ZBTB20: variants seen among roughly 807,000 people sequenced by gnomAD.
ZBTB20 encodes zinc finger and BTB domain containing 20.
ZBTB20 carries 9 observed loss-of-function variants against 56.9 expected under a neutral mutation model. The observed-to-expected ratio is 0.16, with a 90% CI of 0.10 to 0.28. ZBTB20 has a LOEUF of 0.28. ZBTB20 is among the 10% of genes least tolerant of loss of function. The pLI is 1.00. For missense variants in ZBTB20, 655 were observed against 1,003.0 expected, an observed-to-expected ratio of 0.65 and a Z score of 4.69; for synonymous variants, 417 against 420.7, an observed-to-expected ratio of 0.99 and a Z score of 0.11.
chr3:114,774,025 C>T (rs981920940), intron 5 of ZBTB20, among the ~76,000 whole-genome samples: 2 of 152,114 alleles, frequency 1.3e-5, no homozygotes, highest in African/African-American at 4.8e-5. Flanking sequence ...CAATGATTTT[C>T]GGCATTGAAG....
rs554985867 is a variant in ZBTB20 at position 114,636,340 on chromosome 3, T to A, written c.-295+57188A>T. Among the ~76,000 whole-genome samples the A allele has an allele frequency of 1.4e-4, 21 of 152,184 alleles. No individual in the cohort carries two copies. The East Asian group carries it at 4.1e-3, about 29-fold the overall frequency. ...GATGTTGATTAGCAGCATGAAAAGA[T>A]GAAAGTATAAAACTTGCCAATAAAG... On this transcript the variant is annotated intron_variant, in intron 6 of 11. Transcript: ENST00000675478.
rs181031369 is a variant in ZBTB20 at position 114,646,287 on chromosome 3, T to C, written c.-295+47241A>G. ...ATGGAAGAAGTTTGAAAAACTTTTATGTAGAGATGAAGAAAAGTAGAAGCC... is the reference window on the plus strand; with the variant it reads ...ATGGAAGAAGTTTGAAAAACTTTTACGTAGAGATGAAGAAAAGTAGAAGCC... On this transcript the variant is annotated intron_variant, in intron 6 of 11. Coordinates refer to ENST00000675478, the MANE Select transcript of ZBTB20 (RefSeq NM_001348800.3). Among the ~76,000 whole-genome samples, 265 of 152,064 alleles carry C rather than the reference T, an allele frequency of 1.7e-3. 1 individual carries two copies. The highest frequency in any genetic ancestry group is 5.3e-3 in the African/African-American group (219 of 41,386).
At chr3:114,882,988 C>T (rs2076454273) in intron 4 of ZBTB20, among the ~76,000 whole-genome samples, 1 of 152,184 alleles carries the variant, frequency 6.6e-6, no homozygotes, top group Admixed American at 6.5e-5. Context: ...TTCTAGACTT[C>T]TCTAGTCCCA....
At chr3:114,906,572 T>C (rs945872977) in intron 3 of ZBTB20, among the ~76,000 whole-genome samples, 6 of 150,846 alleles carry the variant, frequency 4.0e-5, no homozygotes, top group African/African-American at 1.2e-4. Context: ...TAATATAAAA[T>C]TTTTATATTA....
At chr3:114,730,780 A>G (rs907969553) in intron 5 of ZBTB20, among the ~76,000 whole-genome samples, 1 of 152,146 alleles carries the variant, frequency 6.6e-6, no homozygotes, top group Non-Finnish European at 1.5e-5. Flanking sequence ...GTATTTTGTT[A>G]TGGTAGGCCT....
At chr3:114,394,748 C>G (rs1329197043) in intron 7 of ZBTB20, among the ~76,000 whole-genome samples, 1 of 152,138 alleles carries the variant, frequency 6.6e-6, no homozygotes, top group African/African-American at 2.4e-5. Context: ...AGGAGCAGTT[C>G]AAGCCAAATA....
chr3:114,746,503 G>A (rs568956955), intron 5 of ZBTB20, among the ~76,000 whole-genome samples: 60 of 152,002 alleles, frequency 3.9e-4, no homozygotes, highest in South Asian at 2.1e-3. Context: ...AGGGAGAATT[G>A]GTCTTAACAG....
intron 1 of ZBTB20, among the ~76,000 whole-genome samples, chr3:115,099,617 C>A (rs544079723): frequency 2.6e-5 from 4 of 152,232 alleles, no homozygotes; most frequent in African/African-American, 9.6e-5. Context: ...AATAAACATG[C>A]TGGCAAAAAG....
intron 7 of ZBTB20, among the ~76,000 whole-genome samples, chr3:114,472,295 A>G (rs776193126): frequency 2.0e-5 from 3 of 152,172 alleles, no homozygotes; most frequent in African/African-American, 7.2e-5. Context: ...AAACTTTCAG[A>G]TTTTCCAAAT....
chr3:114,894,174 A>G (rs1454005472), intron 4 of ZBTB20, among the ~76,000 whole-genome samples: 2 of 152,192 alleles, frequency 1.3e-5, no homozygotes, highest in Non-Finnish European at 1.5e-5. Context: ...TTTACAAGCT[A>G]TATGACTTTG....
chr3:114,768,693 C>T (rs1407911496), intron 5 of ZBTB20, among the ~76,000 whole-genome samples: 1 of 152,050 alleles, frequency 6.6e-6, no homozygotes, highest in African/African-American at 2.4e-5. Context: ...TCTTCAAATG[C>T]CTTAAAGTAT....
intron 6 of ZBTB20, among the ~76,000 whole-genome samples, chr3:114,505,882 C>A (rs1258817444): frequency 6.6e-6 from 1 of 151,978 alleles, no homozygotes; most frequent in African/African-American, 2.4e-5. Flanking sequence ...CTGACAGATT[C>A]AAAAAAATTT....
chr3:114,708,446 C>T (rs1216230237), intron 5 of ZBTB20, among the ~76,000 whole-genome samples: 1 of 151,754 alleles, frequency 6.6e-6, no homozygotes, highest in East Asian at 1.9e-4. Context: ...AGAAATCTCA[C>T]CTCTAGGAAT....
At position 114,534,914 on chromosome 3, in the gene ZBTB20, C is replaced by T. The variant is rs138023655; in HGVS notation, c.-294-34523G>A. On this transcript the variant is annotated intron_variant, in intron 6 of 11. Transcript: ENST00000675478. Reference sequence around the variant, plus strand: ...TACTGGGTAAACAACAAAATTAAGGCAGAAATAAATAAGTTCTTTGAAACC... The same window carrying T: ...TACTGGGTAAACAACAAAATTAAGGTAGAAATAAATAAGTTCTTTGAAACC... 9.3e-3 allele frequency among the ~76,000 whole-genome samples: 1,423 copies of T among 152,220 alleles called. 19 individuals are homozygous for T. Among genetic ancestry groups the T allele is most frequent in the African/African-American group, 0.03 (1,235 of 41,526 alleles).
intron 8 of ZBTB20, among the ~76,000 whole-genome samples, chr3:114,385,319 A>C (rs2084966096): frequency 6.6e-6 from 1 of 152,126 alleles, no homozygotes; most frequent in Non-Finnish European, 1.5e-5. Flanking sequence ...CACCCCAATA[A>C]GGGTGGTAGC....
At chr3:114,430,187 G>C (rs756775339) in intron 7 of ZBTB20, among the ~76,000 whole-genome samples, 8 of 152,164 alleles carry the variant, frequency 5.3e-5, no homozygotes, top group Non-Finnish European at 1.2e-4. Context: ...CTCTTAAAAA[G>C]AAGAAAGGAG....
chr3:114,987,456 G>C (rs540859342), intron 2 of ZBTB20, among the ~76,000 whole-genome samples: 1 of 152,166 alleles, frequency 6.6e-6, no homozygotes, highest in South Asian at 2.1e-4. Context: ...AGAAATAATT[G>C]GAAAGATTCT....
intron 6 of ZBTB20, among the ~76,000 whole-genome samples, chr3:114,516,273 A>G (rs1219160345): frequency 1.3e-5 from 2 of 152,174 alleles, no homozygotes; most frequent in African/African-American, 2.4e-5. Flanking sequence ...TCTTCCCCAC[A>G]TAACCCATTG....
intron 7 of ZBTB20, among the ~76,000 whole-genome samples, chr3:114,485,498 T>C (rs1273504786): frequency 6.6e-6 from 1 of 152,184 alleles, no homozygotes; most frequent in East Asian, 1.9e-4. Context: ...TGGTCACTAC[T>C]TGAGTAGAGA....
Sources: gnomAD v4.1 joint callset for allele counts (sites outside exome capture counted in the v4.1 genomes callset) on GRCh38, gnomAD v4.1.1 for gene constraint, MANE v1.5 for transcripts, NCBI Gene and HGNC (gene_info 2026-07-23, HGNC 2026-07-21) for gene names.